TNS1: variants seen among roughly 807,000 people sequenced by gnomAD.
The protein encoded by TNS1 is tensin 1, also known as tensin-1.
A neutral mutation model predicts 168.6 loss-of-function variants in TNS1; 62 were observed. The ratio of observed to expected loss-of-function variants is 0.37; its 90% CI spans 0.30 to 0.45. TNS1 has a LOEUF of 0.45. Ranked by LOEUF, TNS1 falls within the 20% of genes least tolerant of loss-of-function variation. TNS1 has a pLI of 1.00. For missense variants in TNS1, 2,240 were observed against 2,339.4 expected (o/e 0.96, Z 0.88); for synonymous variants, 934 against 933.2 (o/e 1.00, Z -0.02).
intron 20 of TNS1, among the ~76,000 whole-genome samples, chr2:217,835,501 C>T (rs1005910193): frequency 6.6e-6 from 1 of 152,206 alleles, no homozygotes; most frequent in African/African-American, 2.4e-5. Flanking sequence ...AGATCTACTA[C>T]CCTGAAATCT....
intron 6 of TNS1, among the ~76,000 whole-genome samples, chr2:217,905,097 AAAT>A (rs1953494847): frequency 6.6e-6 from 1 of 152,198 alleles, no homozygotes; most frequent in Non-Finnish European, 1.5e-5. Context: ...CCCTTAGTCA[AAAT>A]AACAGTAATA....
chr2:217,831,776 C>T (rs956668502), intron 21 of TNS1, among the ~76,000 whole-genome samples: 1 of 152,176 alleles, frequency 6.6e-6, no homozygotes, highest in Admixed American at 6.5e-5. Context: ...GGCAACCTTG[C>T]CCTGGCTCTG....
intron 19 of TNS1, among the ~76,000 whole-genome samples, chr2:217,846,721 A>G (rs1946698435): frequency 6.6e-6 from 1 of 152,344 alleles, no homozygotes; most frequent in Middle Eastern, 3.4e-3. Flanking sequence ...GGCCCCAGAC[A>G]TGCTGTCATT....
rs750298143 is a variant in TNS1, at chr2:217,885,762, G to C, written c.1098C>G (p.Leu366=). ...CACTCACCAAGATGTCTCCCTTCAAGAGCAGTCCTGGCTCGATGGTGATGC... is the reference window on the plus strand; with the variant it reads ...CACTCACCAAGATGTCTCCCTTCAACAGCAGTCCTGGCTCGATGGTGATGC... ...SVCITIEPGL[L]LKGDILLKCY... is the part of the protein sequence containing the mutation. The change falls in exon 15 of 33, where the codon CTC becomes CTG. Residue 366 remains leucine (L), a synonymous_variant. Coordinates refer to ENST00000682258, the MANE Select transcript of TNS1 (RefSeq NM_001387777.1). The C allele has an allele frequency of 6.2e-7, 1 of 1,614,156 alleles. No homozygotes were observed. The highest frequency in any genetic ancestry group is 1.1e-5 in the South Asian group (1 of 91,084).
In TNS1 at chr2:217,874,908, C is replaced by G. The variant is rs538557832; in HGVS notation, c.1429+5990G>C. Among the ~76,000 whole-genome samples, 4 of 152,292 alleles carry G rather than the reference C, an allele frequency of 2.6e-5. No individual in the cohort carries two copies. The South Asian group carries it at 8.3e-4, about 32-fold the overall frequency. ...CACCTATAAACAATAGAGCTTAGAA[C>G]CAGATCTTCTGGTTCTAGGTCCCAT... On this transcript the variant is annotated intron_variant, in intron 18 of 32. Coordinates refer to ENST00000682258, the MANE Select transcript of TNS1 (RefSeq NM_001387777.1).
At chr2:217,890,424 T>C (rs1951626351) in intron 12 of TNS1, 1 of 153,180 alleles carries the variant, frequency 6.5e-6, no homozygotes, top group Non-Finnish European at 1.5e-5. Context: ...GTAGATGATT[T>C]AAATTTTGCT....
At chr2:217,825,956 C>A (rs78322892) in intron 22 of TNS1, among the ~76,000 whole-genome samples, 1 of 152,210 alleles carries the variant, frequency 6.6e-6, no homozygotes. Context: ...GGAGAAGCAG[C>A]AGCATCCATT....
At chr2:218,016,113 A>G (rs994803426) in intron 1 of TNS1, among the ~76,000 whole-genome samples, 5 of 151,938 alleles carry the variant, frequency 3.3e-5, no homozygotes, top group African/African-American at 1.2e-4. Context: ...ACTAGCTAAT[A>G]CAATTACCAT....
chr2:217,992,646 CAGAGAGAAAGAGA>C (rs1958397972), intron 1 of TNS1: 1 of 151,942 alleles, frequency 6.6e-6, no homozygotes, highest in Non-Finnish European at 1.5e-5. Flanking sequence ...GAGAGGGGGA[CAGAGAGAAAGAGA>C]AAAGGACAGG....
In TNS1 at chr2:217,809,984, A is replaced by G. The variant is rs745403892; in HGVS notation, c.5112T>C (p.Asn1704=). 1 of 1,611,062 alleles carries G rather than the reference A, an allele frequency of 6.2e-7. No individual in the cohort carries two copies. The change falls in exon 30 of 33, where the codon AAT becomes AAC. Residue 1704 remains asparagine, a synonymous_variant. Coordinates refer to ENST00000682258, the MANE Select transcript of TNS1 (RefSeq NM_001387777.1). ...TGTCCACAGAGTTGACGAAGAGCAC[A>G]TTGCAGGCTGGAAGAAACCAACCCA... The part of the protein sequence containing the change: ...ADLLKQGAAC[N]VLFVNSVDME...
chr2:217,835,894 G>A (rs1005962276), intron 20 of TNS1, 121 bp downstream of exon 20: 8 of 854,256 alleles, frequency 9.4e-6, no homozygotes, highest in South Asian at 5.7e-5. Flanking sequence ...GGGTGAGGAC[G>A]TAGGGGGAGA....
chr2:217,977,862 C>G (rs1041955256), intron 3 of TNS1, among the ~76,000 whole-genome samples: 1 of 152,244 alleles, frequency 6.6e-6, no homozygotes, highest in East Asian at 1.9e-4. Context: ...GAAGAGCAAA[C>G]GTAGGGAGTG....
intron 18 of TNS1, among the ~76,000 whole-genome samples, chr2:217,866,052 A>G (rs1949244660): frequency 6.6e-6 from 1 of 152,190 alleles, no homozygotes; most frequent in South Asian, 2.1e-4. Context: ...TGTTACTCAG[A>G]TCCCCCAAAG....
intron 1 of TNS1, among the ~76,000 whole-genome samples, chr2:218,020,818 AC>A (rs1274011606): frequency 2.6e-5 from 4 of 152,112 alleles, no homozygotes; most frequent in African/African-American, 9.7e-5. Context: ...TCAGCCAGAT[AC>A]CCCAGAGCAA....
chr2:217,868,472 T>C (rs1949483937), intron 18 of TNS1, among the ~76,000 whole-genome samples: 1 of 152,218 alleles, frequency 6.6e-6, no homozygotes, highest in Admixed American at 6.5e-5. Flanking sequence ...TGGTTCAAAG[T>C]CCAGCTCAAG....
In TNS1 at chr2:217,819,304, G is replaced by A. The variant is rs756344104; in HGVS notation, c.3573-545C>T. ...GCAAAGACAAGGAATCACAGGGGAA[G>A]GTTTCACATCAGGGGATTTGAGGTC... is the stretch of plus-strand genomic sequence containing the variant. On this transcript the variant is annotated intron_variant, in intron 23 of 32. Coordinates refer to ENST00000682258, the MANE Select transcript of TNS1 (RefSeq NM_001387777.1). Among the ~76,000 whole-genome samples, 169 of 152,298 alleles carry A rather than the reference G, an allele frequency of 1.1e-3. 2 individuals are homozygous for A. The highest frequency in any genetic ancestry group is 3.6e-3 in the Admixed American group (55 of 15,308).
chr2:217,912,314 G>A (rs1207316482), intron 4 of TNS1, among the ~76,000 whole-genome samples: 5 of 152,364 alleles, frequency 3.3e-5, no homozygotes, highest in African/African-American at 1.2e-4. Context: ...AAGGGGATTG[G>A]GGAGGAGGGT....
At chr2:218,025,991 C>T (rs2106013118) in intron 1 of TNS1, among the ~76,000 whole-genome samples, 1 of 152,302 alleles carries the variant, frequency 6.6e-6, no homozygotes, top group South Asian at 2.1e-4. Flanking sequence ...CGGTGTGAGG[C>T]TCTCCCAGCC....
chr2:217,887,982 C>A lies in TNS1; in HGVS notation c.867-1336G>T, dbSNP rs114814552. Among the ~76,000 whole-genome samples, 579 of 152,314 alleles carry A rather than the reference C, an allele frequency of 3.8e-3. 5 individuals carry two copies. Among genetic ancestry groups the A allele is most frequent in the Middle Eastern group, 0.017 (5 of 294 alleles). On this transcript the variant is annotated intron_variant, in intron 12 of 32. Coordinates refer to ENST00000682258, the MANE Select transcript of TNS1 (RefSeq NM_001387777.1). Reference sequence around the variant, plus strand: ...TCTCTGAAGAGGGTGGAACTAGAGCCCACATGACCATGATAAGATCCCCTC... The same window carrying A: ...TCTCTGAAGAGGGTGGAACTAGAGCACACATGACCATGATAAGATCCCCTC...
Sources: gnomAD v4.1 joint callset for allele counts (sites outside exome capture counted in the v4.1 genomes callset) on GRCh38, gnomAD v4.1.1 for gene constraint, MANE v1.5 for transcripts, NCBI Gene and HGNC (gene_info 2026-07-23, HGNC 2026-07-21) for gene names.